The following HJURP variants were observed in gnomAD, a reference collection of about 807,000 sequenced individuals.
HJURP encodes Holliday junction recognition protein, also known as 14-3-3-associated AKT substrate.
Under a neutral mutation model 72.0 loss-of-function variants are expected in HJURP, and 49 were observed. That is an observed-to-expected ratio of 0.68 (90% confidence interval 0.54 to 0.86). The LOEUF is 0.86. HJURP is among the 40% of genes least tolerant of loss of function. The pLI is 0.00. For missense variants in HJURP, 908 were observed against 936.3 expected (o/e 0.97, Z 0.39); for synonymous variants, 357 against 347.1 (o/e 1.03, Z -0.32).
At position 233,843,180 on chromosome 2, in the gene HJURP, C is replaced by T. The variant is rs192001263; in HGVS notation, c.575-975G>A. The stretch of plus-strand genomic sequence containing the variant: ...GATAGCTCTTTTGAGCAGAATAATG[C>T]CAACTGACGTGTGCCAAGGAACGGC... On this transcript the variant is annotated intron_variant, in intron 7 of 8. Coordinates refer to ENST00000411486, the MANE Select transcript of HJURP (RefSeq NM_018410.5). Among the ~76,000 whole-genome samples the T allele has an allele frequency of 9.3e-4, 141 of 152,198 alleles. 1 individual carries two copies. Among genetic ancestry groups the T allele is most frequent in the Non-Finnish European group, 1.3e-3 (87 of 68,008 alleles).
intron 4 of HJURP, among the ~76,000 whole-genome samples, chr2:233,848,408 G>A (rs997763425): frequency 3.3e-5 from 5 of 152,204 alleles, no homozygotes; most frequent in African/African-American, 1.2e-4. Context: ...AAAGCAATGG[G>A]AAGCCACGTG....
At chr2:233,844,879 T>C (rs552358389) in intron 6 of HJURP, among the ~76,000 whole-genome samples, 2 of 152,324 alleles carry the variant, frequency 1.3e-5, no homozygotes, top group African/African-American at 4.8e-5. Flanking sequence ...GTATTTGGTG[T>C]TGCAATGTCC....
chr2:233,837,661 A>G lies in HJURP; in HGVS notation c.2172-9T>C. ...AAGACGTGTTCTCTCCTCTAGGAAA[A>G]AAAAAAGACAAAGAAAATGATGTTA... On this transcript the variant is annotated splice_polypyrimidine_tract_variant and intron_variant, in intron 8 of 8. Transcript: ENST00000411486. The G allele has an allele frequency of 6.4e-7, 1 of 1,564,764 alleles. No homozygotes were observed. Among genetic ancestry groups the G allele is most frequent in the Non-Finnish European group, 8.7e-7 (1 of 1,152,210 alleles).
chr2:233,838,190 A>G (rs1051156405), intron 8 of HJURP, among the ~76,000 whole-genome samples: 5 of 152,234 alleles, frequency 3.3e-5, no homozygotes, highest in Non-Finnish European at 7.3e-5. Context: ...GCAGAAAAAC[A>G]TAGGAAACCA....
intron 4 of HJURP, among the ~76,000 whole-genome samples, chr2:233,847,701 G>A (rs1264322525): frequency 1.3e-5 from 2 of 152,168 alleles, no homozygotes; most frequent in Non-Finnish European, 2.9e-5. Context: ...ACCACCTCCA[G>A]CTTTCCATGG....
At position 233,841,421 on chromosome 2, in the gene HJURP, A is replaced by G. The variant is rs775094252; in HGVS notation, c.1359T>C (p.Pro453=). The G allele has an allele frequency of 3.1e-6, 5 of 1,614,108 alleles. No homozygotes were observed. The South Asian group carries it at 3.3e-5, about 11-fold the overall frequency. The change falls in exon 8 of 9, where the codon CCT becomes CCC. Residue 453 remains proline (P), a synonymous_variant. Transcript: ENST00000411486. ...REYCLSPRNQ[P]RRMCLPDSWA... ...AGGAGTCCGGGAGGCACATCCGGCG[A>G]GGCTGGTTCCTGGGACTCAGGCAAT... is the stretch of plus-strand genomic sequence containing the variant.
At chr2:233,854,252 C>T (rs501145) in intron 1 of HJURP, 132 bp downstream of exon 1, 400,814 of 633,880 alleles carry the variant, frequency 0.63, 129,588 homozygotes, top group Middle Eastern at 0.73. Context: ...CTCTCCGCAT[C>T]CAAGCCCCAG....
chr2:233,839,723 T>G (rs113725269), intron 8 of HJURP, among the ~76,000 whole-genome samples: 1 of 152,188 alleles, frequency 6.6e-6, no homozygotes, highest in Non-Finnish European at 1.5e-5. Context: ...GGGACACTTA[T>G]GGCAGGCAGG....
chr2:233,853,065 A>C (rs1705533663), intron 2 of HJURP, among the ~76,000 whole-genome samples: 1 of 152,230 alleles, frequency 6.6e-6, no homozygotes, highest in Non-Finnish European at 1.5e-5. Context: ...GGAATATTTT[A>C]GTTTCTGCCT....
intron 7 of HJURP, among the ~76,000 whole-genome samples, chr2:233,843,617 G>C (rs1574644707): frequency 6.6e-6 from 1 of 152,170 alleles, no homozygotes; most frequent in Non-Finnish European, 1.5e-5. Flanking sequence ...CCAAGGAGCC[G>C]CTCTTGATGG....
intron 5 of HJURP, 24 bp downstream of exon 5, chr2:233,847,373 T>A: frequency 6.3e-7 from 1 of 1,596,656 alleles, no homozygotes; most frequent in Non-Finnish European, 8.6e-7. Context: ...CCTCTGTCCA[T>A]TCATTACTAA....
intron 8 of HJURP, 73 bp from the exon 9 acceptor site, chr2:233,837,725 T>C (rs1440411888): frequency 1.1e-6 from 1 of 947,830 alleles, no homozygotes; most frequent in Non-Finnish European, 1.7e-6. Flanking sequence ...CACTAAAAGG[T>C]TAACTGTTTT....
chr2:233,842,677 GA>G (rs1209197944), intron 7 of HJURP, among the ~76,000 whole-genome samples: 16 of 98,974 alleles, frequency 1.6e-4, no homozygotes, highest in East Asian at 3.0e-4. Flanking sequence ...TTGATAAAGA[GA>G]AAAAAAAAGA....
At chr2:233,847,163 G>A (rs1705381865) in intron 5 of HJURP, among the ~76,000 whole-genome samples, 1 of 152,186 alleles carries the variant, frequency 6.6e-6, no homozygotes, top group South Asian at 2.1e-4. Context: ...CGTGAATCAG[G>A]CTTGCACTGG....
intron 3 of HJURP, among the ~76,000 whole-genome samples, chr2:233,852,270 AG>A (rs1378957035): frequency 6.6e-6 from 1 of 152,156 alleles, no homozygotes; most frequent in Non-Finnish European, 1.5e-5. Flanking sequence ...GACCTTGGGG[AG>A]GGTTACCCAA....
intron 1 of HJURP, 82 bp from the exon 2 acceptor site, chr2:233,853,992 G>A: frequency 7.8e-7 from 1 of 1,285,054 alleles, no homozygotes; most frequent in South Asian, 1.2e-5. Context: ...GCCAGCCCGT[G>A]AGAGGCCGTT....
rs990840501 is a variant in HJURP at position 233,840,812 on chromosome 2, A to G, written c.1968T>C (p.Ile656=). The G allele has an allele frequency of 1.2e-6, 2 of 1,613,572 alleles. No homozygotes were observed. The highest frequency in any genetic ancestry group is 1.7e-6 in the Non-Finnish European group (2 of 1,179,864). ...CAACACATGTAGATGAAGGAGCCTC[A>G]ATTGCAGTTGAGCCCAGTAGACTTT... is the stretch of plus-strand genomic sequence containing the variant. The part of the protein sequence containing the change: ...CRKSLLGSTA[I]EAPSSTCVAR... Residue 656 remains isoleucine, a synonymous_variant, in exon 8 of 9, where the codon ATT becomes ATC. Coordinates refer to ENST00000411486, the MANE Select transcript of HJURP (RefSeq NM_018410.5).
chr2:233,845,185 TC>T (rs1254139044), intron 6 of HJURP, among the ~76,000 whole-genome samples: 1 of 151,698 alleles, frequency 6.6e-6, no homozygotes, highest in Non-Finnish European at 1.5e-5. Flanking sequence ...AGAGTCTTGC[TC>T]TATCACCCTG....
rs777294603 is a variant in HJURP, at chr2:233,847,372, A to G, written c.402+25T>C. 1.6e-5 allele frequency: 26 copies of G among 1,597,276 alleles called. No individual in the cohort carries two copies. The East Asian group carries it at 5.6e-4, about 34-fold the overall frequency. ...GAGCCCCCAAGCGCCCCCTCTGTCC[A>G]TTCATTACTAAAGGCAGCACTTACT... On this transcript the variant is annotated intron_variant, in intron 5 of 8. Transcript: ENST00000411486.
Sources: allele counts gnomAD v4.1 joint callset (sites outside exome capture counted in the v4.1 genomes callset), GRCh38; gene constraint gnomAD v4.1.1; transcripts MANE v1.5; gene names NCBI Gene and HGNC (gene_info 2026-07-23, HGNC 2026-07-21).